The following PARD3B variants were observed in gnomAD, a reference collection of about 807,000 sequenced individuals.
The protein encoded by PARD3B is partitioning defective 3 homolog B.
Under a neutral mutation model 130.2 loss-of-function variants are expected in PARD3B, and 103 were observed. The ratio of observed to expected loss-of-function variants is 0.79; its 90% CI spans 0.67 to 0.93. The LOEUF (loss-of-function observed/expected upper bound fraction) is 0.93, where lower values mean the gene tolerates loss of function less well. Among genes scored for constraint, PARD3B ranks in the 40% least tolerant of loss-of-function variants. The pLI is 0.00. For missense variants in PARD3B, 1,609 were observed against 1,499.2 expected (o/e 1.07, Z -1.21); for synonymous variants, 583 against 553.2 (o/e 1.05, Z -0.76).
chr2:205,424,967 A>G (rs989870567), intron 19 of PARD3B, among the ~76,000 whole-genome samples: 1 of 152,232 alleles, frequency 6.6e-6, no homozygotes, highest in African/African-American at 2.4e-5. Flanking sequence ...TGCCACTTAC[A>G]AATGTCATTA....
intron 4 of PARD3B, among the ~76,000 whole-genome samples, chr2:205,053,462 C>A (rs1699375080): frequency 6.6e-6 from 1 of 151,786 alleles, no homozygotes. Flanking sequence ...CATGGTGAGA[C>A]CCCGTCTCTA....
intron 21 of PARD3B, among the ~76,000 whole-genome samples, chr2:205,535,945 A>G (rs927091106): frequency 5.3e-5 from 8 of 152,306 alleles, no homozygotes; most frequent in African/African-American, 1.2e-4. Context: ...AAACATGCCA[A>G]TGGTGCTGTA....
rs1242771092 is a variant in PARD3B at position 205,461,325 on chromosome 2, T to C, written c.3044+20653T>C. ...AAGGAACTTGGCATGTGTGAAGAAGTGAAAGAAGGTCCTCTTACCAACACC... is the reference window on the plus strand; with the variant it reads ...AAGGAACTTGGCATGTGTGAAGAAGCGAAAGAAGGTCCTCTTACCAACACC... On this transcript the variant is annotated intron_variant, in intron 20 of 22. Transcript: ENST00000406610. This position sits in a 1 kb window ranked among gnomAD's most constrained non-coding sequence, Gnocchi z 4.3. 1.3e-5 allele frequency among the ~76,000 whole-genome samples: 2 copies of C among 152,022 alleles called. No individual in the cohort carries two copies. Among genetic ancestry groups the C allele is most frequent in the African/African-American group, 2.4e-5 (1 of 41,400 alleles).
intron 15 of PARD3B, among the ~76,000 whole-genome samples, chr2:205,194,193 G>A (rs955262438): frequency 6.6e-6 from 1 of 152,148 alleles, no homozygotes; most frequent in Non-Finnish European, 1.5e-5. Flanking sequence ...GTAACAACGA[G>A]AAAATAGAAT....
chr2:205,360,034 C>T (rs1050450220), intron 18 of PARD3B, among the ~76,000 whole-genome samples: 4 of 152,204 alleles, frequency 2.6e-5, no homozygotes, highest in Admixed American at 2.6e-4. Flanking sequence ...AATGCACAAG[C>T]ATTCTCATTT....
At chr2:205,109,288 A>T (rs1224207553) in intron 5 of PARD3B, among the ~76,000 whole-genome samples, 1 of 152,170 alleles carries the variant, frequency 6.6e-6, no homozygotes, top group Non-Finnish European at 1.5e-5. Flanking sequence ...CTCTCATACT[A>T]TTGCATGCCA....
intron 20 of PARD3B, among the ~76,000 whole-genome samples, chr2:205,456,365 C>T (rs2048277869): frequency 6.6e-6 from 1 of 152,006 alleles, no homozygotes; most frequent in Non-Finnish European, 1.5e-5. Flanking sequence ...GTATGTCTTC[C>T]ATTCTTATCT....
At chr2:204,551,104 A>C (rs1478685125) in intron 1 of PARD3B, among the ~76,000 whole-genome samples, 2 of 152,198 alleles carry the variant, frequency 1.3e-5, no homozygotes, top group African/African-American at 4.8e-5. Flanking sequence ...TCTGCTACTC[A>C]GCTTGCATTG....
intron 22 of PARD3B, among the ~76,000 whole-genome samples, chr2:205,555,848 C>T (rs932213054): frequency 1.3e-5 from 2 of 152,178 alleles, no homozygotes; most frequent in Non-Finnish European, 2.9e-5. Flanking sequence ...TGCATCCCAA[C>T]ATCTAAAGAG....
At chr2:205,377,632 C>A (rs2045113578) in intron 18 of PARD3B, among the ~76,000 whole-genome samples, 1 of 152,104 alleles carries the variant, frequency 6.6e-6, no homozygotes, top group African/African-American at 2.4e-5. Flanking sequence ...AGTCCTCACA[C>A]CCTACCAACT....
chr2:205,578,170 T>C (rs1245120886), intron 22 of PARD3B, among the ~76,000 whole-genome samples: 1 of 152,164 alleles, frequency 6.6e-6, no homozygotes, highest in Non-Finnish European at 1.5e-5. Context: ...GCCCCAGGAA[T>C]TGATTTCCCC....
intron 21 of PARD3B, among the ~76,000 whole-genome samples, chr2:205,519,863 G>A (rs2050960848): frequency 6.6e-6 from 1 of 152,164 alleles, no homozygotes; most frequent in Admixed American, 6.5e-5. Context: ...CATTTTTGGT[G>A]TTGAAGCTTT....
chr2:204,988,897 A>G (rs1322482133), intron 3 of PARD3B, among the ~76,000 whole-genome samples: 2 of 152,196 alleles, frequency 1.3e-5, no homozygotes, highest in South Asian at 2.1e-4. Context: ...CTATTTAACA[A>G]TGAAAAGAAT....
intron 3 of PARD3B, among the ~76,000 whole-genome samples, 153 bp from the exon 4 acceptor site, chr2:205,047,428 A>G (rs1698874952): frequency 6.6e-6 from 1 of 152,242 alleles, no homozygotes; most frequent in Non-Finnish European, 1.5e-5. Context: ...ATGACAAAAG[A>G]TCATTAAATG....
At chr2:205,383,125 T>TAGATAGATAGAG (rs1452480429) in intron 18 of PARD3B, among the ~76,000 whole-genome samples, 6 of 149,280 alleles carry the variant, frequency 4.0e-5, no homozygotes, top group South Asian at 2.1e-4. Flanking sequence ...GATAGATAGA[T>TAGATAGATAGAG]AGATAGATAG....
intron 2 of PARD3B, among the ~76,000 whole-genome samples, chr2:204,692,160 G>A (rs2037385110): frequency 6.6e-6 from 1 of 152,052 alleles, no homozygotes; most frequent in Non-Finnish European, 1.5e-5. Flanking sequence ...TTCCTGAACA[G>A]GATGAAGTAT....
At chr2:204,863,555 G>T (rs932594754) in intron 2 of PARD3B, among the ~76,000 whole-genome samples, 1 of 152,180 alleles carries the variant, frequency 6.6e-6, no homozygotes, top group South Asian at 2.1e-4. Flanking sequence ...TTAGAACTTC[G>T]GTTGCCTGGC....
chr2:204,856,275 T>G (rs975233906), intron 2 of PARD3B, among the ~76,000 whole-genome samples: 6 of 152,200 alleles, frequency 3.9e-5, no homozygotes, highest in Non-Finnish European at 5.9e-5. Context: ...GTGGTTTTAA[T>G]TTGTATTTCT....
intron 20 of PARD3B, among the ~76,000 whole-genome samples, chr2:205,476,848 A>ATG (rs1280532980): frequency 6.6e-6 from 1 of 152,162 alleles, no homozygotes; most frequent in Admixed American, 6.5e-5. Flanking sequence ...TTGTTTCTTC[A>ATG]TGTGTGTATG....
Sources: allele counts gnomAD v4.1 joint callset (sites outside exome capture counted in the v4.1 genomes callset), GRCh38; gene constraint gnomAD v4.1.1; non-coding constraint Gnocchi (gnomAD v3.1); transcripts MANE v1.5; gene names NCBI Gene and HGNC (gene_info 2026-07-23, HGNC 2026-07-21).